SPON1: variants seen among roughly 807,000 people sequenced by gnomAD.
The protein encoded by SPON1 is spondin 1, also known as spondin-1.
In SPON1, 52 loss-of-function variants were observed where a neutral mutation model predicts 111.7. That is an observed-to-expected ratio of 0.47 (90% CI 0.37 to 0.59). The LOEUF (loss-of-function observed/expected upper bound fraction) is 0.59. SPON1 is among the 20% of genes least tolerant of loss of function. The pLI, the probability that SPON1 is intolerant of heterozygous loss-of-function variation, is 0.00. For missense variants in SPON1, 957 were observed against 1,068.5 expected (o/e 0.90, Z 1.46); for synonymous variants, 410 against 395.8 (o/e 1.04, Z -0.43).
intron 6 of SPON1, among the ~76,000 whole-genome samples, chr11:14,162,239 A>G (rs573623897): frequency 6.6e-6 from 1 of 152,198 alleles, no homozygotes; most frequent in East Asian, 1.9e-4. Flanking sequence ...TGTATATTAC[A>G]CATATATGTA....
chr11:14,082,478 G>A lies in SPON1; in HGVS notation c.676+2457G>A, dbSNP rs142459692. ...GACCAAGAAGTCCTCCAGGACAAAC[G>A]TGATGACGTGCTTATCTTTGATTCT... On this transcript the variant is annotated intron_variant, in intron 5 of 15. Coordinates refer to ENST00000576479, the MANE Select transcript of SPON1 (RefSeq NM_006108.4). Among the ~76,000 whole-genome samples the A allele has an allele frequency of 6.1e-3, 923 of 152,262 alleles. 3 individuals are homozygous for A. The highest frequency in any genetic ancestry group is 0.021 in the African/African-American group (882 of 41,538).
chr11:14,143,008 C>A (rs565779051), intron 6 of SPON1, among the ~76,000 whole-genome samples: 6 of 152,228 alleles, frequency 3.9e-5, no homozygotes, highest in Non-Finnish European at 8.8e-5. Flanking sequence ...AGAGCTGCTG[C>A]CTCTGCTTAC....
At chr11:14,081,112 TG>T (rs1384172633) in intron 5 of SPON1, among the ~76,000 whole-genome samples, 1 of 152,080 alleles carries the variant, frequency 6.6e-6, no homozygotes, top group Non-Finnish European at 1.5e-5. Flanking sequence ...TTCATAACAT[TG>T]TTATCAAGAT....
intron 6 of SPON1, among the ~76,000 whole-genome samples, chr11:14,179,579 T>A (rs1365712122): frequency 6.6e-6 from 1 of 152,174 alleles, no homozygotes; most frequent in Non-Finnish European, 1.5e-5. Flanking sequence ...CATATCTGAC[T>A]GGGACTGCCA....
At chr11:14,120,842 A>G (rs1175034121) in intron 5 of SPON1, among the ~76,000 whole-genome samples, 1 of 152,236 alleles carries the variant, frequency 6.6e-6, no homozygotes, top group Non-Finnish European at 1.5e-5. Context: ...CATAGAAGAT[A>G]GGTACTATTA....
chr11:14,189,518 T>C (rs1369128636), intron 6 of SPON1, among the ~76,000 whole-genome samples: 1 of 152,168 alleles, frequency 6.6e-6, no homozygotes, highest in East Asian at 1.9e-4. Flanking sequence ...AGAGGTTCTC[T>C]CCAAGCTTGG....
Position 14,019,146 on chromosome 11 carries a change from C to T in SPON1, c.346-22375C>T, listed in dbSNP as rs750731406. ...CTGTACAATTCAAGGTTCCTTTAGT[C>T]ATCCATAGTATTTGGATGTATGGAG... is the stretch of plus-strand genomic sequence containing the variant. On this transcript the variant is annotated intron_variant, in intron 2 of 15. Transcript: ENST00000576479. Among the ~76,000 whole-genome samples, 61 of 152,088 alleles carry T rather than the reference C, an allele frequency of 4.0e-4. 1 individual carries two copies. Among genetic ancestry groups the T allele is most frequent in the Non-Finnish European group, 2.8e-4 (19 of 68,030 alleles).
At chr11:14,129,801 T>G (rs551528337) in intron 5 of SPON1, among the ~76,000 whole-genome samples, 5 of 152,276 alleles carry the variant, frequency 3.3e-5, no homozygotes, top group Non-Finnish European at 7.4e-5. Flanking sequence ...TCGACATGGC[T>G]GGGGAGGCCT....
chr11:14,019,871 G>A (rs1554914627), intron 2 of SPON1, among the ~76,000 whole-genome samples: 1 of 152,150 alleles, frequency 6.6e-6, no homozygotes. Context: ...GATAGTGGGG[G>A]AAAACACTCT....
rs1273463768 is a variant in SPON1, at chr11:14,160,469, T to TTATA, written c.825+24909_825+24912dup. Among the ~76,000 whole-genome samples the TTATA allele has an allele frequency of 1.2e-4, 2 of 16,504 alleles. 1 individual carries two copies. Among genetic ancestry groups the TTATA allele is most frequent in the African/African-American group, 5.5e-4 (2 of 3,662 alleles). The allele number at this position is 16,504 out of a possible 152,430, so 10.8% of individuals were successfully genotyped here. On this transcript the variant is annotated intron_variant, in intron 6 of 15. Coordinates refer to ENST00000576479, the MANE Select transcript of SPON1 (RefSeq NM_006108.4). ...TATATATATATTTATATATATATAT[T>TTATA]TATATATATATTTATATATATATAT... is the stretch of plus-strand genomic sequence containing the variant.
At chr11:14,170,053 G>A (rs1425849410) in intron 6 of SPON1, among the ~76,000 whole-genome samples, 1 of 152,176 alleles carries the variant, frequency 6.6e-6, no homozygotes, top group Non-Finnish European at 1.5e-5. Context: ...GTAGCTTGAT[G>A]GGGATGGCAT....
chr11:13,977,866 C>T (rs1848114492), intron 1 of SPON1, among the ~76,000 whole-genome samples: 1 of 152,104 alleles, frequency 6.6e-6, no homozygotes, highest in South Asian at 2.1e-4. Context: ...GAGTTAAGGG[C>T]CAAGATTTAC....
chr11:14,234,854 G>T (rs782311532), intron 6 of SPON1, among the ~76,000 whole-genome samples: 1 of 152,244 alleles, frequency 6.6e-6, no homozygotes, highest in Non-Finnish European at 1.5e-5. Flanking sequence ...CTGTGCAAAC[G>T]CATCATCTTC....
chr11:14,206,030 C>T (rs537704657), intron 6 of SPON1, among the ~76,000 whole-genome samples: 1 of 152,034 alleles, frequency 6.6e-6, no homozygotes, highest in African/African-American at 2.4e-5. Context: ...CCTCTAAAAC[C>T]GTTTTCATTT....
intron 3 of SPON1, among the ~76,000 whole-genome samples, chr11:14,042,756 G>T (rs1251623484): frequency 6.6e-5 from 10 of 152,136 alleles, no homozygotes; most frequent in African/African-American, 1.9e-4. Context: ...CCCCTGAGGA[G>T]ATCCCGATAA....
At chr11:14,157,392 A>G (rs1335383955) in intron 6 of SPON1, among the ~76,000 whole-genome samples, 1 of 152,150 alleles carries the variant, frequency 6.6e-6, no homozygotes, top group Non-Finnish European at 1.5e-5. Flanking sequence ...TTCTGTTGAG[A>G]AGTCATCTGT....
intron 6 of SPON1, among the ~76,000 whole-genome samples, chr11:14,235,152 A>G (rs536804365): frequency 2.6e-5 from 4 of 152,282 alleles, no homozygotes; most frequent in Admixed American, 2.0e-4. Flanking sequence ...ACCCAGGTCG[A>G]TGAGTGTCAC....
intron 6 of SPON1, among the ~76,000 whole-genome samples, chr11:14,182,679 A>G (rs7483073): frequency 0.11 from 16,274 of 152,240 alleles, 927 homozygotes; most frequent in Middle Eastern, 0.12. Context: ...CTTGTTGCCT[A>G]AAAGGGATGC....
rs868971877 is a variant in SPON1 at position 14,160,895 on chromosome 11, A to T, written c.825+25327A>T. Among the ~76,000 whole-genome samples, 9 of 47,810 alleles carry T rather than the reference A, an allele frequency of 1.9e-4. 1 individual carries two copies. The highest frequency in any genetic ancestry group is 1.3e-3 in the Admixed American group (3 of 2,322). The allele number at this position is 47,810 out of a possible 152,430, so 31.4% of individuals were successfully genotyped here. Reference sequence around the variant, plus strand: ...TTTATATTTTTATATATTTATATATATTTATATATTTATATATATATTTAT... The same window carrying T: ...TTTATATTTTTATATATTTATATATTTTTATATATTTATATATATATTTAT... On this transcript the variant is annotated intron_variant, in intron 6 of 15. Coordinates refer to ENST00000576479, the MANE Select transcript of SPON1 (RefSeq NM_006108.4).
Sources: gnomAD v4.1 joint callset for allele counts (sites outside exome capture counted in the v4.1 genomes callset) on GRCh38, gnomAD v4.1.1 for gene constraint, MANE v1.5 for transcripts, NCBI Gene and HGNC (gene_info 2026-07-23, HGNC 2026-07-21) for gene names.